RAB38: variants seen among roughly 807,000 people sequenced by gnomAD.
The protein encoded by RAB38 is ras-related protein Rab-38.
Under a neutral mutation model 18.4 loss-of-function variants are expected in RAB38, and 15 were observed. That is an observed-to-expected ratio of 0.82 (90% confidence interval 0.55 to 1.26). The LOEUF (loss-of-function observed/expected upper bound fraction) is 1.26. Among genes scored for constraint, RAB38 ranks in the 50% most tolerant of loss-of-function variants. The pLI is 0.00. For synonymous variants in RAB38, 101 were observed against 104.4 expected, an observed-to-expected ratio of 0.97 and a Z score of 0.20; for missense variants, 294 against 267.4, an observed-to-expected ratio of 1.10 and a Z score of -0.69.
At chr11:88,084,166 A>C in the RAB38 span, among the ~76,000 whole-genome samples, 1 of 151,864 alleles carries the variant, frequency 6.6e-6, no homozygotes, top group Non-Finnish European at 1.5e-5. Context: ...ATAAGGCTTA[A>C]TGCAAGTCCT....
At chr11:88,118,513 T>A (rs551200476) in intron 2 of RAB38, among the ~76,000 whole-genome samples, 1 of 152,332 alleles carries the variant, frequency 6.6e-6, no homozygotes, top group South Asian at 2.1e-4. Flanking sequence ...TCTGGGTGAT[T>A]GTATAGAAAC....
the RAB38 span, among the ~76,000 whole-genome samples, chr11:87,895,526 C>T: frequency 1.3e-5 from 2 of 151,532 alleles, no homozygotes; most frequent in African/African-American, 2.4e-5. Context: ...TAATTTAGTT[C>T]TCTTATCCTC....
the RAB38 span, among the ~76,000 whole-genome samples, chr11:87,906,931 T>G: frequency 2.0e-5 from 3 of 152,004 alleles, no homozygotes; most frequent in Non-Finnish European, 4.4e-5. Flanking sequence ...TAACAAAATT[T>G]GTTATGTTTA....
chr11:87,959,303 C>A, the RAB38 span, among the ~76,000 whole-genome samples: 5,821 of 152,198 alleles, frequency 0.038, 183 homozygotes, highest in Admixed American at 0.085. Flanking sequence ...ATTCTAAAAC[C>A]TACACAGTAA....
At chr11:87,977,968 A>T in the RAB38 span, among the ~76,000 whole-genome samples, 5 of 112,902 alleles carry the variant, frequency 4.4e-5, no homozygotes, top group Non-Finnish European at 6.6e-5. Context: ...TAAATAAGAT[A>T]TATTATATAA....
the RAB38 span, among the ~76,000 whole-genome samples, chr11:88,093,148 C>T: frequency 2.6e-5 from 4 of 151,942 alleles, no homozygotes; most frequent in African/African-American, 4.8e-5. Context: ...AGAAAGCATA[C>T]AGATTGGTGA....
the RAB38 span, among the ~76,000 whole-genome samples, chr11:87,889,069 C>A: frequency 9.9e-5 from 15 of 151,852 alleles, no homozygotes; most frequent in Admixed American, 2.0e-4. Flanking sequence ...CTCTTATCAG[C>A]AATAGTTTTT....
chr11:87,806,008 C>T, the RAB38 span, among the ~76,000 whole-genome samples: 136 of 152,250 alleles, frequency 8.9e-4, 1 homozygote, highest in South Asian at 2.5e-3. Flanking sequence ...AAATAACCCT[C>T]ACAGTAACAT....
At chr11:88,017,569 A>G in the RAB38 span, among the ~76,000 whole-genome samples, 5 of 151,136 alleles carry the variant, frequency 3.3e-5, no homozygotes, top group African/African-American at 1.2e-4. Context: ...ACTATTACGT[A>G]CCCTAGTCTT....
At chr11:87,901,439 G>A in the RAB38 span, among the ~76,000 whole-genome samples, 1 of 151,546 alleles carries the variant, frequency 6.6e-6, no homozygotes, top group Admixed American at 6.6e-5. Flanking sequence ...ATTCCATAAA[G>A]TAAGTGTAAT....
the RAB38 span, among the ~76,000 whole-genome samples, chr11:87,936,988 C>T: frequency 6.6e-6 from 1 of 151,796 alleles, no homozygotes. Flanking sequence ...ACTACAATGG[C>T]GAGAACTTTT....
the RAB38 span, among the ~76,000 whole-genome samples, chr11:87,976,973 TTATAA>T: frequency 0.032 from 1,498 of 47,396 alleles, 637 homozygotes; most frequent in Middle Eastern, 0.062. Flanking sequence ...TACAAGTATA[TTATAA>T]AATATAATTA....
chr11:87,835,436 C>G, the RAB38 span, among the ~76,000 whole-genome samples: 1 of 152,124 alleles, frequency 6.6e-6, no homozygotes, highest in Non-Finnish European at 1.5e-5. Context: ...CCATATTAAG[C>G]CCCGGCTTAG....
the RAB38 span, among the ~76,000 whole-genome samples, chr11:87,867,283 T>C: frequency 2.0e-5 from 3 of 151,736 alleles, no homozygotes; most frequent in African/African-American, 7.2e-5. Flanking sequence ...TGTTATTTCA[T>C]CTTTAAAGAC....
At chr11:88,029,683 T>C in the RAB38 span, among the ~76,000 whole-genome samples, 2 of 152,008 alleles carry the variant, frequency 1.3e-5, no homozygotes, top group Non-Finnish European at 2.9e-5. Context: ...GAGGTAACTA[T>C]CCTAAATATA....
the RAB38 span, among the ~76,000 whole-genome samples, chr11:87,827,976 G>A: frequency 6.6e-5 from 10 of 152,174 alleles, no homozygotes; most frequent in African/African-American, 2.4e-4. Context: ...GAAAACTGGT[G>A]AAATTCAAAT....
At chr11:87,824,984 G>A in the RAB38 span, among the ~76,000 whole-genome samples, 1 of 151,994 alleles carries the variant, frequency 6.6e-6, no homozygotes. Flanking sequence ...TTGAAAGAGA[G>A]AGAGAGAGAG....
intron 2 of RAB38, among the ~76,000 whole-genome samples, chr11:88,147,350 G>T (rs138840661): frequency 1.3e-5 from 2 of 152,242 alleles, no homozygotes; most frequent in Non-Finnish European, 2.9e-5. Flanking sequence ...TGTAAATACA[G>T]GTCATTCAGC....
the RAB38 span, among the ~76,000 whole-genome samples, chr11:87,834,321 C>G: frequency 1.3e-5 from 2 of 152,142 alleles, no homozygotes; most frequent in South Asian, 4.1e-4. Context: ...AAAACACATC[C>G]CTGCCAACAC....
Sources: allele counts gnomAD v4.1 joint callset (sites outside exome capture counted in the v4.1 genomes callset), GRCh38; gene constraint gnomAD v4.1.1; transcripts MANE v1.5; gene names NCBI Gene and HGNC (gene_info 2026-07-23, HGNC 2026-07-21).